CDC42BPB: variants seen among roughly 807,000 people sequenced by gnomAD.
The protein encoded by CDC42BPB is CDC42 binding protein kinase beta, also known as serine/threonine-protein kinase MRCK beta.
A neutral mutation model predicts 214.9 loss-of-function variants in CDC42BPB; 37 were observed. That is an observed-to-expected ratio of 0.17 (90% CI 0.13 to 0.23). The LOEUF (loss-of-function observed/expected upper bound fraction) is 0.23, where lower values mean the gene tolerates loss of function less well. Ranked by LOEUF, CDC42BPB falls within the 10% of genes least tolerant of loss-of-function variation. The pLI is 1.00. For missense variants in CDC42BPB, 1,694 were observed against 2,227.0 expected, an observed-to-expected ratio of 0.76 and a Z score of 4.82; for synonymous variants, 931 against 884.0, an observed-to-expected ratio of 1.05 and a Z score of -0.94.
intron 20 of CDC42BPB, among the ~76,000 whole-genome samples, chr14:102,960,117 G>T (rs979483892): frequency 2.0e-5 from 3 of 152,058 alleles, no homozygotes; most frequent in Non-Finnish European, 2.9e-5. Flanking sequence ...TGAGGCAGGA[G>T]AATCTCGAGC....
chr14:102,945,803 C>T, intron 28 of CDC42BPB, 79 bp from the exon 29 acceptor site: 2 of 1,216,596 alleles, frequency 1.6e-6, no homozygotes, highest in Non-Finnish European at 1.2e-6. Context: ...TGGGTGGGCT[C>T]ATTCACAGAT....
chr14:102,987,681 G>A (rs888224209), intron 5 of CDC42BPB, among the ~76,000 whole-genome samples: 8 of 151,778 alleles, frequency 5.3e-5, no homozygotes, highest in Non-Finnish European at 2.9e-5. Flanking sequence ...AAAAACACAA[G>A]GCAAAAGAAA....
rs1891992117 is a variant in CDC42BPB at position 102,943,423 on chromosome 14, C to T, written c.4408+468G>A. Among the ~76,000 whole-genome samples the T allele has an allele frequency of 6.6e-6, 1 of 152,258 alleles. No individual in the cohort carries two copies. Among genetic ancestry groups the T allele is most frequent in the Admixed American group, 6.5e-5 (1 of 15,288 alleles). On this transcript the variant is annotated intron_variant, in intron 30 of 36. Coordinates refer to ENST00000361246, the MANE Select transcript of CDC42BPB (RefSeq NM_006035.4). This position sits in a 1 kb window ranked among gnomAD's most constrained non-coding sequence, Gnocchi z 4.6. ...ACTGTTTGAAAAACAGCCCCTACCA[C>T]TTTCAGAAAATACTTGTCCTTAGAG...
At chr14:103,034,452 T>C (rs1319771316) in intron 1 of CDC42BPB, among the ~76,000 whole-genome samples, 1 of 152,200 alleles carries the variant, frequency 6.6e-6, no homozygotes, top group Non-Finnish European at 1.5e-5. Flanking sequence ...ATTTTAAGCA[T>C]CATTAAACTT....
At chr14:102,949,650 T>A in intron 26 of CDC42BPB, 115 bp downstream of exon 26, 1 of 1,348,932 alleles carries the variant, frequency 7.4e-7, no homozygotes, top group Non-Finnish European at 1.0e-6. Context: ...CATACAATAA[T>A]GAAGCAGGTG....
intron 1 of CDC42BPB, among the ~76,000 whole-genome samples, chr14:103,054,401 C>G (rs1387789269): frequency 1.3e-5 from 2 of 152,152 alleles, no homozygotes; most frequent in Non-Finnish European, 2.9e-5. Context: ...AGTGGTGAAT[C>G]CAAAAACTGA....
At chr14:102,991,001 A>G (rs1894466398) in intron 5 of CDC42BPB, among the ~76,000 whole-genome samples, 2 of 152,242 alleles carry the variant, frequency 1.3e-5, no homozygotes, top group Non-Finnish European at 2.9e-5. Flanking sequence ...TTGTGAGTCA[A>G]TCTGCAACCA....
chr14:102,977,817 C>G (rs35924822), intron 9 of CDC42BPB, among the ~76,000 whole-genome samples: 1 of 152,106 alleles, frequency 6.6e-6, no homozygotes, highest in South Asian at 2.1e-4. Flanking sequence ...TGCACCATCA[C>G]GAGCATGAAT....
intron 6 of CDC42BPB, among the ~76,000 whole-genome samples, chr14:102,985,953 G>T (rs948178622): frequency 1.3e-5 from 2 of 152,224 alleles, no homozygotes; most frequent in Non-Finnish European, 2.9e-5. Flanking sequence ...CCTGGTGATA[G>T]CCGATCCGGG....
chr14:102,947,939 C>A, intron 26 of CDC42BPB, 137 bp from the exon 27 acceptor site: 1 of 1,503,456 alleles, frequency 6.7e-7, no homozygotes, highest in South Asian at 1.3e-5. Flanking sequence ...CCTCGCCTCC[C>A]CAGATGTAAG....
intron 21 of CDC42BPB, among the ~76,000 whole-genome samples, chr14:102,959,285 A>C (rs1210638347): frequency 1.8e-5 from 2 of 112,474 alleles, no homozygotes; most frequent in Non-Finnish European, 3.9e-5. Flanking sequence ...TGACAGAGCA[A>C]GACTCCGTCT....
intron 18 of CDC42BPB, 48 bp downstream of exon 18, chr14:102,966,234 T>C (rs375454798): frequency 7.4e-7 from 1 of 1,346,432 alleles, no homozygotes; most frequent in Non-Finnish European, 1.1e-6. Flanking sequence ...CTTAAAACCA[T>C]TAGCGAATTA....
At position 103,004,320 on chromosome 14, in the gene CDC42BPB, A is replaced by G; in HGVS notation, c.352-297T>C. On this transcript the variant is annotated intron_variant, in intron 3 of 36. Coordinates refer to ENST00000361246, the MANE Select transcript of CDC42BPB (RefSeq NM_006035.4). The surrounding 1 kb of genome is among the most constrained non-coding windows in gnomAD (Gnocchi z 5.3). ...CACCCCACCCTTATGTGGATTCCTG[A>G]CTGGGCTCCTCCCACCTGGCACCTC... 2.3e-6 allele frequency: 1 copy of G among 439,488 alleles called. No individual in the cohort carries two copies. Among genetic ancestry groups the G allele is most frequent in the East Asian group, 8.0e-5 (1 of 12,474 alleles). 27.2% of individuals were successfully genotyped at this position (439,488 alleles called of 1,614,324 possible). A position where few individuals can be genotyped will look rare whatever the true frequency, so the allele number is the denominator to read the frequency against.
chr14:102,988,654 C>T (rs896077910), intron 5 of CDC42BPB, among the ~76,000 whole-genome samples: 2 of 151,944 alleles, frequency 1.3e-5, no homozygotes, highest in African/African-American at 4.8e-5. Context: ...AAATCAAGTA[C>T]AGGACAAAGA....
rs551618964 is a variant in CDC42BPB, at chr14:102,992,791, A to G, written c.597-6211T>C. ...AAAAATATATATTAAAAATATATATATTCAAAAATATATATTAAAAATATA... is the reference window on the plus strand; with the variant it reads ...AAAAATATATATTAAAAATATATATGTTCAAAAATATATATTAAAAATATA... On this transcript the variant is annotated intron_variant, in intron 5 of 36. Coordinates refer to ENST00000361246, the MANE Select transcript of CDC42BPB (RefSeq NM_006035.4). 3.4e-5 allele frequency among the ~76,000 whole-genome samples: 5 copies of G among 148,278 alleles called. No individual in the cohort carries two copies. In the South Asian group the frequency reaches 1.0e-3, roughly 31 times the overall value.
intron 36 of CDC42BPB, chr14:102,934,094 T>A: frequency 2.6e-6 from 3 of 1,157,846 alleles, no homozygotes; most frequent in Non-Finnish European, 3.3e-6. Context: ...ACAGCAACTC[T>A]GTAGTGAAGA....
chr14:102,967,301 GT>G, intron 16 of CDC42BPB, 131 bp from the exon 17 acceptor site: 1 of 1,414,022 alleles, frequency 7.1e-7, no homozygotes, highest in Non-Finnish European at 9.2e-7. Context: ...TCCAAACTAA[GT>G]TCATGATATG....
rs776779318 is a variant in CDC42BPB at position 102,974,077 on chromosome 14, C to T, written c.1580G>A (p.Arg527Gln). ...LRQEREDSTQ[R>Q]LRGLEKQHRV... Reference sequence around the variant, plus strand: ...GTGCTGCTTCTCCAGCCCCCGCAGCCGCTGCGTGGAGTCCTCACGCTCTTG... The same window carrying T: ...GTGCTGCTTCTCCAGCCCCCGCAGCTGCTGCGTGGAGTCCTCACGCTCTTG... Residue 527 changes from arginine (R) to glutamine (Q), a missense_variant, in exon 12 of 37, where the codon CGG becomes CAG. Coordinates refer to ENST00000361246, the MANE Select transcript of CDC42BPB (RefSeq NM_006035.4). 5.4e-5 allele frequency: 87 copies of T among 1,613,910 alleles called. No homozygotes were observed. The highest frequency in any genetic ancestry group is 8.8e-5 in the South Asian group (8 of 91,062).
At chr14:102,967,002 A>T in intron 17 of CDC42BPB, 44 bp downstream of exon 17, 1 of 1,598,798 alleles carries the variant, frequency 6.3e-7, no homozygotes, top group Non-Finnish European at 8.5e-7. Flanking sequence ...CCATGGACTG[A>T]GCAGGGAGCG....
Sources: gnomAD v4.1 joint callset for allele counts (sites outside exome capture counted in the v4.1 genomes callset) on GRCh38, gnomAD v4.1.1 for gene constraint, Gnocchi (gnomAD v3.1) non-coding constraint, MANE v1.5 for transcripts, NCBI Gene and HGNC (gene_info 2026-07-23, HGNC 2026-07-21) for gene names.